GRM8: variants seen among roughly 807,000 people sequenced by gnomAD.
The protein encoded by GRM8 is metabotropic glutamate receptor 8.
GRM8 carries 47 observed loss-of-function variants against 87.2 expected under a neutral mutation model. The ratio of observed to expected loss-of-function variants is 0.54; its 90% CI spans 0.43 to 0.69. The LOEUF is 0.69. GRM8 is among the 30% of genes least tolerant of loss of function. GRM8 has a pLI of 0.00. For missense variants in GRM8, 1,019 were observed against 1,139.2 expected (o/e 0.89, Z 1.52); for synonymous variants, 396 against 404.5 (o/e 0.98, Z 0.25).
intron 3 of GRM8, among the ~76,000 whole-genome samples, chr7:126,992,835 G>A (rs572675635): frequency 6.6e-6 from 1 of 151,120 alleles, no homozygotes; most frequent in African/African-American, 2.4e-5. Flanking sequence ...GTGTATGTGT[G>A]TGTGTGTGTG....
At chr7:127,015,170 GAGAAGGAGAAGAAGAAGAAGAAGAAGA>G (rs1563414106) in intron 3 of GRM8, among the ~76,000 whole-genome samples, 9 of 47,254 alleles carry the variant, frequency 1.9e-4, no homozygotes, top group African/African-American at 6.1e-4. Context: ...GAAGGAGAAG[GAGAAGGAGAAGAAGAAGAAGAAGAAGA>G]AGAAGAAGAA....
intron 6 of GRM8, among the ~76,000 whole-genome samples, chr7:126,779,358 C>A (rs12534101): frequency 0.31 from 47,262 of 151,728 alleles, 7,856 homozygotes; most frequent in Middle Eastern, 0.43. Flanking sequence ...GGATTTTCTG[C>A]CCTAGGCCAT....
intron 6 of GRM8, among the ~76,000 whole-genome samples, chr7:126,808,190 AAT>A (rs1792958094): frequency 6.6e-6 from 1 of 152,232 alleles, no homozygotes; most frequent in Admixed American, 6.5e-5. Context: ...CCTGAGTTAC[AAT>A]ATCATACAGA....
intron 3 of GRM8, among the ~76,000 whole-genome samples, chr7:126,973,321 T>C (rs1222220010): frequency 1.3e-5 from 2 of 152,200 alleles, no homozygotes; most frequent in Admixed American, 6.5e-5. Flanking sequence ...GTTAGAGCTT[T>C]GGAGTGAAAC....
At chr7:126,967,946 T>C (rs1447020779) in intron 3 of GRM8, among the ~76,000 whole-genome samples, 2 of 152,222 alleles carry the variant, frequency 1.3e-5, no homozygotes, top group African/African-American at 2.4e-5. Flanking sequence ...CAATTCCATA[T>C]TGAGCACTAA....
chr7:126,834,263 C>T (rs988111542), intron 6 of GRM8, among the ~76,000 whole-genome samples: 23 of 152,096 alleles, frequency 1.5e-4, no homozygotes, highest in African/African-American at 5.6e-4. Context: ...CATATCCAAT[C>T]TAAAAATAAG....
intron 9 of GRM8, among the ~76,000 whole-genome samples, chr7:126,470,965 G>GT (rs1805124483): frequency 6.6e-6 from 1 of 152,142 alleles, no homozygotes; most frequent in African/African-American, 2.4e-5. Context: ...TTTTTCATGT[G>GT]TTTTTTGGCT....
At chr7:126,965,711 A>C (rs1333453129) in intron 3 of GRM8, among the ~76,000 whole-genome samples, 1 of 152,080 alleles carries the variant, frequency 6.6e-6, no homozygotes. Context: ...TTTCTCAAAA[A>C]AATTCAGTAA....
chr7:126,827,280 G>A (rs1370153197), intron 6 of GRM8, among the ~76,000 whole-genome samples: 1 of 152,022 alleles, frequency 6.6e-6, no homozygotes, highest in African/African-American at 2.4e-5. Flanking sequence ...GATGGGGATG[G>A]CATTGAATCT....
intron 6 of GRM8, among the ~76,000 whole-genome samples, chr7:126,860,112 A>C (rs1159901538): frequency 6.6e-6 from 1 of 152,226 alleles, no homozygotes; most frequent in African/African-American, 2.4e-5. Context: ...CAAAAGGACA[A>C]ATAACTTACA....
intron 2 of GRM8, among the ~76,000 whole-genome samples, chr7:127,188,078 TAA>T (rs1174572797): frequency 1.3e-5 from 2 of 152,208 alleles, no homozygotes; most frequent in African/African-American, 2.4e-5. Context: ...GAAATAAAAT[TAA>T]AAATTCCTTT....
chr7:127,016,326 T>C (rs909449511), intron 3 of GRM8, among the ~76,000 whole-genome samples: 1 of 152,026 alleles, frequency 6.6e-6, no homozygotes, highest in Non-Finnish European at 1.5e-5. Flanking sequence ...CAATCCTAGA[T>C]ACACTAAAAG....
chr7:126,691,743 G>A (rs1033920149), intron 7 of GRM8, among the ~76,000 whole-genome samples: 2 of 152,178 alleles, frequency 1.3e-5, no homozygotes, highest in African/African-American at 4.8e-5. Context: ...CATGCAAGCA[G>A]GAGGGTAAGA....
At chr7:126,615,406 G>A (rs577774559) in intron 7 of GRM8, among the ~76,000 whole-genome samples, 30 of 152,290 alleles carry the variant, frequency 2.0e-4, no homozygotes, top group African/African-American at 7.0e-4. Flanking sequence ...ACCAGTACCA[G>A]CCACTGCAAA....
At chr7:126,991,189 C>T (rs934976579) in intron 3 of GRM8, among the ~76,000 whole-genome samples, 5 of 152,086 alleles carry the variant, frequency 3.3e-5, no homozygotes, top group Admixed American at 3.3e-4. Flanking sequence ...GCCATACCAC[C>T]CAGAAACCTG....
chr7:126,759,425 CAAG>C (rs898784384), intron 7 of GRM8, among the ~76,000 whole-genome samples: 29 of 152,024 alleles, frequency 1.9e-4, no homozygotes, highest in Admixed American at 6.6e-5. Flanking sequence ...TTTGAAGAAA[CAAG>C]AAGAAATAAT....
At chr7:127,028,662 G>A (rs557240088) in intron 3 of GRM8, among the ~76,000 whole-genome samples, 8 of 152,250 alleles carry the variant, frequency 5.3e-5, no homozygotes, top group African/African-American at 1.7e-4. Flanking sequence ...TTGTATTTCT[G>A]TGGGATTGGT....
chr7:126,553,266 T>C (rs978695799), intron 8 of GRM8, among the ~76,000 whole-genome samples: 1 of 152,180 alleles, frequency 6.6e-6, no homozygotes, highest in Admixed American at 6.5e-5. Flanking sequence ...AAATCCCAAA[T>C]GTACTCTTCT....
At chr7:126,583,307 A>G (rs1375202461) in intron 8 of GRM8, among the ~76,000 whole-genome samples, 1 of 152,074 alleles carries the variant, frequency 6.6e-6, no homozygotes, top group Non-Finnish European at 1.5e-5. Context: ...GCAAGCCAAG[A>G]TTGTACCATT....
Sources: gnomAD v4.1 joint callset for allele counts (sites outside exome capture counted in the v4.1 genomes callset) on GRCh38, gnomAD v4.1.1 for gene constraint, MANE v1.5 for transcripts, NCBI Gene and HGNC (gene_info 2026-07-23, HGNC 2026-07-21) for gene names.